ZNF112: variants seen among roughly 807,000 people sequenced by gnomAD.
ZNF112 encodes zinc finger protein 112.
Under a neutral mutation model 77.7 loss-of-function variants are expected in ZNF112, and 37 were observed. The observed-to-expected ratio is 0.48, with a 90% CI of 0.37 to 0.63. The LOEUF is 0.63. Ranked by LOEUF, ZNF112 falls within the 20% of genes least tolerant of loss-of-function variation. ZNF112 has a pLI of 0.00. For synonymous variants in ZNF112, 333 were observed against 363.6 expected (o/e 0.92, Z 0.96); for missense variants, 950 against 1,077.4 (o/e 0.88, Z 1.66).
intron 2 of ZNF112, 59 bp downstream of exon 2, chr19:44,340,357 G>T: frequency 6.4e-7 from 1 of 1,572,708 alleles, no homozygotes; most frequent in South Asian, 1.2e-5. Flanking sequence ...TCTAACAATT[G>T]AGCACACAAA....
rs1291716422 is a variant in ZNF112 at position 44,329,417 on chromosome 19, G to C, written c.740C>G (p.Thr247Arg). The C allele has an allele frequency of 6.2e-7, 1 of 1,614,006 alleles. No individual in the cohort carries two copies. The highest frequency in any genetic ancestry group is 2.2e-5 in the East Asian group (1 of 44,864). ...AGTACATGGATAGGGCTTCTCCTCT[G>C]TTTGAATTGACTCCTGATTAAGTAA... ...VSLLNQESIQ[T>R]EEKPYPCTGY... is the part of the protein sequence containing the mutation. The change falls in exon 4 of 4, where the codon ACA becomes AGA. Residue 247 changes from threonine to arginine, a missense_variant. Around this residue, in one of 3 missense-constraint regions of ZNF112, gnomAD observed 560 missense variants for 557.3 expected, o/e 1.00. Transcript: ENST00000354340.
upstream of ZNF112, among the ~76,000 whole-genome samples, chr19:44,356,853 G>C (rs1340372823): frequency 6.6e-6 from 1 of 152,346 alleles, no homozygotes; most frequent in South Asian, 2.1e-4. Flanking sequence ...CAAGTACCGG[G>C]TGCCAAGCTG....
At chr19:44,344,134 T>A (rs1345441305) in intron 1 of ZNF112, among the ~76,000 whole-genome samples, 1 of 152,178 alleles carries the variant, frequency 6.6e-6, no homozygotes, top group Non-Finnish European at 1.5e-5. Flanking sequence ...ACATTTCTCA[T>A]GTTAAACAAA....
chr19:44,339,755 C>T (rs941906664), intron 2 of ZNF112, among the ~76,000 whole-genome samples: 1 of 152,058 alleles, frequency 6.6e-6, no homozygotes, highest in Non-Finnish European at 1.5e-5. Context: ...GGGCTCAGTA[C>T]TCTTGGGTCT....
chr19:44,330,762 A>C (rs1466430276), intron 3 of ZNF112, among the ~76,000 whole-genome samples: 1 of 152,176 alleles, frequency 6.6e-6, no homozygotes, highest in Non-Finnish European at 1.5e-5. Context: ...CACAACTATA[A>C]ACATGTTATC....
At chr19:44,358,283 G>A (rs934829734), upstream of ZNF112, among the ~76,000 whole-genome samples, 1 of 147,012 alleles carries the variant, frequency 6.8e-6, no homozygotes, top group Non-Finnish European at 1.5e-5. Context: ...GATAATAGGG[G>A]ATTTTTTTTT....
At chr19:44,364,432 T>C (rs933495031) in intron 1 of ZNF112, among the ~76,000 whole-genome samples, 1 of 152,218 alleles carries the variant, frequency 6.6e-6, no homozygotes, top group Non-Finnish European at 1.5e-5. Flanking sequence ...TTATATATTC[T>C]GGGTGTCAGT....
At chr19:44,367,144 G>A (rs367977500) in exon 1 of ZNF112, 13 of 456,024 alleles carry the variant, frequency 2.9e-5, no homozygotes, top group South Asian at 1.1e-4. Context: ...AAGGAGGGCC[G>A]CCGCCAGGCT....
At chr19:44,358,790 A>G (rs1970824469), upstream of ZNF112, among the ~76,000 whole-genome samples, 1 of 152,138 alleles carries the variant, frequency 6.6e-6, no homozygotes, top group South Asian at 2.1e-4. Context: ...ATATTGTCTC[A>G]TCTCCAAACC....
chr19:44,335,042 G>A (rs1305419017), intron 3 of ZNF112, among the ~76,000 whole-genome samples: 4 of 152,190 alleles, frequency 2.6e-5, no homozygotes, highest in Non-Finnish European at 5.9e-5. Context: ...GGCACTCAAC[G>A]CCAGCTCATG....
intron 1 of ZNF112, chr19:44,343,176 A>G: frequency 6.6e-7 from 1 of 1,523,282 alleles, no homozygotes; most frequent in Non-Finnish European, 9.0e-7. Flanking sequence ...ACCCTTGGCA[A>G]AGAAGGGGGA....
At chr19:44,333,788 T>G (rs1217073421) in intron 3 of ZNF112, among the ~76,000 whole-genome samples, 1 of 152,202 alleles carries the variant, frequency 6.6e-6, no homozygotes, top group Non-Finnish European at 1.5e-5. Flanking sequence ...CTTTATAAAT[T>G]ACCTGGTCTC....
intron 1 of ZNF112, among the ~76,000 whole-genome samples, chr19:44,344,935 G>T (rs572518646): frequency 1.3e-5 from 2 of 152,256 alleles, no homozygotes; most frequent in Admixed American, 1.3e-4. Flanking sequence ...AAGAAGTTGG[G>T]ACAATTTGTA....
chr19:44,351,045 G>A (rs927382299), intron 1 of ZNF112, among the ~76,000 whole-genome samples: 2 of 152,050 alleles, frequency 1.3e-5, no homozygotes, highest in Non-Finnish European at 2.9e-5. Context: ...GGTGTCAGCA[G>A]GGCTGGTTGC....
upstream of ZNF112, among the ~76,000 whole-genome samples, chr19:44,359,616 G>A (rs1467703783): frequency 6.6e-6 from 1 of 152,026 alleles, no homozygotes; most frequent in East Asian, 1.9e-4. Context: ...GCCACTGCAT[G>A]TGGCCTACAG....
upstream of ZNF112, among the ~76,000 whole-genome samples, chr19:44,360,257 G>GAA (rs55864740): frequency 0.69 from 95,858 of 138,350 alleles, 32,739 homozygotes; most frequent in Middle Eastern, 0.79. Context: ...TCCATCTCAA[G>GAA]AAAAAAAAAA....
rs77951651 is a variant in ZNF112 at position 44,342,032 on chromosome 19, C to A, written c.-3-1490G>T. On this transcript the variant is annotated intron_variant, in intron 1 of 3. Coordinates refer to ENST00000354340, the MANE Select transcript of ZNF112 (RefSeq NM_013380.4). Reference sequence around the variant, plus strand: ...GAACCTCTTAACAGTGCAAACGACTCTACAGTTCCCCTCCAACAGTCATCT... The same window carrying A: ...GAACCTCTTAACAGTGCAAACGACTATACAGTTCCCCTCCAACAGTCATCT... 4.3e-3 allele frequency among the ~76,000 whole-genome samples: 657 copies of A among 152,310 alleles called. 7 individuals carry two copies. Among genetic ancestry groups the A allele is most frequent in the African/African-American group, 0.015 (605 of 41,560 alleles).
Position 44,327,417 on chromosome 19 carries a change from C to G in ZNF112, c.*16G>C, listed in dbSNP as rs112830799. The G allele has an allele frequency of 5.0e-3, 7,797 of 1,544,570 alleles. 60 individuals are homozygous for G. The highest frequency in any genetic ancestry group is 5.0e-3 in the South Asian group (398 of 80,310). ...AACTCTAGTGACTGGAAAATTTCAGCTCCCATTTGAGGACTTCAAAACAAA... is the reference window on the plus strand; with the variant it reads ...AACTCTAGTGACTGGAAAATTTCAGGTCCCATTTGAGGACTTCAAAACAAA... On this transcript the variant is annotated 3_prime_UTR_variant, in exon 4 of 4. Coordinates refer to ENST00000354340, the MANE Select transcript of ZNF112 (RefSeq NM_013380.4).
intron 1 of ZNF112, among the ~76,000 whole-genome samples, chr19:44,354,762 G>C (rs1338738306): frequency 6.6e-6 from 1 of 152,148 alleles, no homozygotes; most frequent in Non-Finnish European, 1.5e-5. Context: ...TCAGTGTATG[G>C]ATTTAGATAA....
Sources: allele counts gnomAD v4.1 joint callset (sites outside exome capture counted in the v4.1 genomes callset), GRCh38; gene constraint gnomAD v4.1.1; regional missense constraint gnomAD v4.1.1; transcripts MANE v1.5; gene names NCBI Gene and HGNC (gene_info 2026-07-23, HGNC 2026-07-21).